ARFGEF3: variants seen among roughly 807,000 people sequenced by gnomAD.
ARFGEF3 encodes ARFGEF family member 3.
A neutral mutation model predicts 221.7 loss-of-function variants in ARFGEF3; 96 were observed. The observed-to-expected ratio is 0.43, with a 90% CI of 0.37 to 0.51. The LOEUF (loss-of-function observed/expected upper bound fraction) is 0.51. ARFGEF3 is among the 20% of genes least tolerant of loss of function. The pLI, the probability that ARFGEF3 is intolerant of heterozygous loss-of-function variation, is 0.00. For synonymous variants in ARFGEF3, 1,145 were observed against 1,126.8 expected (o/e 1.02, Z -0.32); for missense variants, 2,410 against 2,789.9 (o/e 0.86, Z 3.07).
At chr6:138,200,259 C>G (rs1310052813) in intron 2 of ARFGEF3, among the ~76,000 whole-genome samples, 3 of 152,228 alleles carry the variant, frequency 2.0e-5, no homozygotes, top group Middle Eastern at 3.4e-3. Context: ...CAAAAACAAT[C>G]TATAAATTCA....
At chr6:138,280,277 A>C (rs1210568491) in intron 14 of ARFGEF3, 113 bp downstream of exon 14, 1 of 1,008,116 alleles carries the variant, frequency 9.9e-7, no homozygotes, top group Non-Finnish European at 1.5e-6. Flanking sequence ...AACAGCACCC[A>C]CAAAGCTTCC....
At chr6:138,335,623 T>C (rs911112188) in intron 33 of ARFGEF3, among the ~76,000 whole-genome samples, 1 of 151,740 alleles carries the variant, frequency 6.6e-6, no homozygotes, top group Non-Finnish European at 1.5e-5. Flanking sequence ...GCAAGGAGGA[T>C]TGTGTGATCC....
Position 138,208,024 on chromosome 6 carries a change from C to T in ARFGEF3, c.219+901C>T, listed in dbSNP as rs944633338. On this transcript the variant is annotated intron_variant, in intron 3 of 33. Transcript: ENST00000251691. ...CATTAGCAATAATGTTATTAAAAAC[C>T]TTTTGCTTTTCTCCAAGGTAATTGG... Among the ~76,000 whole-genome samples, 3 of 152,028 alleles carry T rather than the reference C, an allele frequency of 2.0e-5. No homozygotes were observed. The South Asian group carries it at 6.2e-4, about 32-fold the overall frequency.
intron 5 of ARFGEF3, among the ~76,000 whole-genome samples, chr6:138,230,233 G>A (rs551095646): frequency 6.6e-6 from 1 of 152,144 alleles, no homozygotes; most frequent in South Asian, 2.1e-4. Context: ...GATTTAGAGA[G>A]ATGTTTATAG....
chr6:138,272,142 C>CATTTATTTATTTATTTGTTT (rs111585539), intron 12 of ARFGEF3, among the ~76,000 whole-genome samples: 91 of 148,758 alleles, frequency 6.1e-4, no homozygotes, highest in African/African-American at 2.2e-3. Flanking sequence ...TAGCAGATGC[C>CATTTATTTATTTATTTGTTT]ATTTATTTAT....
At chr6:138,258,119 G>T (rs1440482621) in intron 10 of ARFGEF3, among the ~76,000 whole-genome samples, 3 of 152,064 alleles carry the variant, frequency 2.0e-5, no homozygotes, top group African/African-American at 7.2e-5. Flanking sequence ...TCCCATCAAG[G>T]CCGAGTTACT....
At chr6:138,325,158 C>T (rs1780106082) in intron 31 of ARFGEF3, among the ~76,000 whole-genome samples, 1 of 152,182 alleles carries the variant, frequency 6.6e-6, no homozygotes, top group East Asian at 1.9e-4. Context: ...ATTGAACTGT[C>T]ACATTTGAGT....
intron 33 of ARFGEF3, 149 bp downstream of exon 33, chr6:138,335,337 C>G: frequency 6.7e-6 from 5 of 747,704 alleles, no homozygotes; most frequent in Non-Finnish European, 7.9e-6. Flanking sequence ...CAGAGGACTG[C>G]CTGAACCTAA....
At chr6:138,214,830 A>G (rs1018845379) in intron 4 of ARFGEF3, among the ~76,000 whole-genome samples, 5 of 152,228 alleles carry the variant, frequency 3.3e-5, no homozygotes, top group Admixed American at 2.0e-4. Context: ...AATAGGAATG[A>G]GGTTAAATCA....
intron 4 of ARFGEF3, among the ~76,000 whole-genome samples, chr6:138,214,181 A>C (rs1438048495): frequency 6.6e-6 from 1 of 152,218 alleles, no homozygotes; most frequent in Non-Finnish European, 1.5e-5. Flanking sequence ...TGCTAATACC[A>C]TTACTGTATT....
intron 4 of ARFGEF3, among the ~76,000 whole-genome samples, chr6:138,219,811 T>C (rs904974352): frequency 6.6e-6 from 1 of 152,186 alleles, no homozygotes; most frequent in African/African-American, 2.4e-5. Context: ...TGTGTGTGTG[T>C]GTAGAATATT....
At chr6:138,236,125 A>ATGATGTAATT (rs1237557685) in intron 5 of ARFGEF3, among the ~76,000 whole-genome samples, 1 of 152,214 alleles carries the variant, frequency 6.6e-6, no homozygotes, top group Non-Finnish European at 1.5e-5. Context: ...TCTAAAGTGA[A>ATGATGTAATT]TGATGTAATT....
chr6:138,328,308 C>G (rs895353092), intron 32 of ARFGEF3, among the ~76,000 whole-genome samples, 166 bp downstream of exon 32: 4 of 152,196 alleles, frequency 2.6e-5, no homozygotes, highest in Non-Finnish European at 5.9e-5. Flanking sequence ...AACCAAATTA[C>G]CCACATTTCA....
chr6:138,254,032 T>C (rs1458302916), intron 9 of ARFGEF3, 48 bp downstream of exon 9: 2 of 1,267,690 alleles, frequency 1.6e-6, no homozygotes, highest in African/African-American at 3.0e-5. Flanking sequence ...ACCCAAGGGC[T>C]GCTGCTGACT....
At chr6:138,198,174 A>G (rs1017302919) in intron 2 of ARFGEF3, among the ~76,000 whole-genome samples, 4 of 152,040 alleles carry the variant, frequency 2.6e-5, no homozygotes, top group African/African-American at 4.8e-5. Context: ...GAATCATGAA[A>G]TTGCCAATAT....
At chr6:138,277,298 A>G (rs1347646283) in intron 12 of ARFGEF3, among the ~76,000 whole-genome samples, 1 of 152,228 alleles carries the variant, frequency 6.6e-6, no homozygotes, top group Non-Finnish European at 1.5e-5. Context: ...ATATATCAGA[A>G]CGCCATTCCT....
At position 138,334,453 on chromosome 6, in the gene ARFGEF3, C is replaced by A. The variant is rs756581840; in HGVS notation, c.5607C>A (p.Val1869=). The change falls in exon 33 of 34, where the codon GTC becomes GTA. Residue 1869 remains valine (V), a synonymous_variant. Coordinates refer to ENST00000251691, the MANE Select transcript of ARFGEF3 (RefSeq NM_020340.5). The surrounding 1 kb of genome is among the most constrained non-coding windows in gnomAD (Gnocchi z 5.1). ...ACATCTTTGAGGAAACCGCCCAGGT[C>A]AGCCCCCCGAGAGGCAAGGAGAAGA... ...DEDIFEETAQ[V]SPPRGKEKRQ... The A allele has an allele frequency of 1.9e-6, 3 of 1,611,362 alleles. No homozygotes were observed. Among genetic ancestry groups the A allele is most frequent in the Non-Finnish European group, 2.5e-6 (3 of 1,179,126 alleles).
At chr6:138,283,248 A>G (rs1206518257) in intron 14 of ARFGEF3, among the ~76,000 whole-genome samples, 2 of 152,218 alleles carry the variant, frequency 1.3e-5, no homozygotes, top group Admixed American at 6.5e-5. Flanking sequence ...TGAGAAGACC[A>G]TAGTTTCTGC....
At position 138,201,443 on chromosome 6, in the gene ARFGEF3, G is replaced by T. The variant is rs9385829; in HGVS notation, c.138-5599G>T. Among the ~76,000 whole-genome samples the T allele has an allele frequency of 1.4e-4, 22 of 152,260 alleles. No homozygotes were observed. In the East Asian group the frequency reaches 4.2e-3, roughly 29 times the overall value. On this transcript the variant is annotated intron_variant, in intron 2 of 33. Transcript: ENST00000251691. ...TCAAATGCCCATCAGTCAATGAGTGGATAAAGAAACTGTGGTATATACATA... is the reference window on the plus strand; with the variant it reads ...TCAAATGCCCATCAGTCAATGAGTGTATAAAGAAACTGTGGTATATACATA...
Sources: allele counts gnomAD v4.1 joint callset (sites outside exome capture counted in the v4.1 genomes callset), GRCh38; gene constraint gnomAD v4.1.1; non-coding constraint Gnocchi (gnomAD v3.1); transcripts MANE v1.5; gene names NCBI Gene and HGNC (gene_info 2026-07-23, HGNC 2026-07-21).